Variants in GLIS3 observed in about 807,000 individuals in gnomAD.
GLIS3 encodes GLIS family zinc finger 3.
GLIS3 carries 53 observed loss-of-function variants against 78.6 expected under a neutral mutation model. The observed-to-expected ratio is 0.67, with a 90% CI of 0.54 to 0.85. The LOEUF (loss-of-function observed/expected upper bound fraction) is 0.85. Ranked by LOEUF, GLIS3 falls within the 40% of genes least tolerant of loss-of-function variation. The pLI is 0.00. For synonymous variants in GLIS3, 684 were observed against 509.9 expected (o/e 1.34, Z -4.60); for missense variants, 1,703 against 1,231.1 (o/e 1.38, Z -5.74).
intron 4 of GLIS3, among the ~76,000 whole-genome samples, chr9:4,054,886 C>T (rs912621296): frequency 1.3e-5 from 2 of 152,026 alleles, no homozygotes; most frequent in African/African-American, 4.8e-5. Flanking sequence ...TCAGAAGATT[C>T]CATTTGTTAA....
At chr9:4,352,670 A>G (rs898893042), upstream of GLIS3, among the ~76,000 whole-genome samples, 2 of 152,232 alleles carry the variant, frequency 1.3e-5, no homozygotes, top group African/African-American at 4.8e-5. Flanking sequence ...GATGATCAAG[A>G]CCATCGCAGG....
At chr9:4,173,921 C>T (rs1370919545) in intron 2 of GLIS3, among the ~76,000 whole-genome samples, 1 of 138,106 alleles carries the variant, frequency 7.2e-6, no homozygotes. Flanking sequence ...AAAACACACA[C>T]ACACACACAC....
intron 4 of GLIS3, among the ~76,000 whole-genome samples, chr9:4,002,273 C>T (rs1353862026): frequency 6.6e-6 from 1 of 152,162 alleles, no homozygotes; most frequent in Non-Finnish European, 1.5e-5. Flanking sequence ...ACAGATTCTT[C>T]CTTCAGAGCC....
chr9:4,477,932 C>T, the GLIS3 span, among the ~76,000 whole-genome samples: 4 of 152,160 alleles, frequency 2.6e-5, no homozygotes, highest in Non-Finnish European at 4.4e-5. Context: ...TATCATTTGT[C>T]TCTTGCTATG....
At chr9:3,891,590 T>G (rs1822453605) in intron 7 of GLIS3, among the ~76,000 whole-genome samples, 1 of 152,104 alleles carries the variant, frequency 6.6e-6, no homozygotes, top group Non-Finnish European at 1.5e-5. Flanking sequence ...AAGTCTCAGC[T>G]ACTCAGAAGG....
In GLIS3 at chr9:4,235,775, T is replaced by C. The variant is rs372031241; in HGVS notation, c.388+50263A>G. ...GATCATTATCATTTAACCACTTTGC[T>C]GTACTTAAACATCAATAATAACATG... On this transcript the variant is annotated intron_variant, in intron 2 of 10. Coordinates refer to ENST00000381971, the MANE Select transcript of GLIS3 (RefSeq NM_001042413.2). 2.0e-5 allele frequency among the ~76,000 whole-genome samples: 3 copies of C among 152,178 alleles called. No homozygotes were observed. In the South Asian group the frequency reaches 6.2e-4, roughly 32 times the overall value.
intron 3 of GLIS3, among the ~76,000 whole-genome samples, chr9:4,124,321 T>G (rs527652015): frequency 1.7e-4 from 26 of 152,222 alleles, no homozygotes; most frequent in African/African-American, 6.0e-4. Flanking sequence ...CAGAAAACAA[T>G]GAGATAATGA....
chr9:4,151,812 T>C (rs1289813099), intron 2 of GLIS3, among the ~76,000 whole-genome samples: 1 of 152,154 alleles, frequency 6.6e-6, no homozygotes, highest in East Asian at 1.9e-4. Context: ...CTGTTCCTAG[T>C]TAAACATACT....
chr9:3,987,761 C>CAAAAAAAAAA (rs60986898), intron 4 of GLIS3, among the ~76,000 whole-genome samples: 3 of 10,462 alleles, frequency 2.9e-4, no homozygotes, highest in African/African-American at 3.5e-4. Flanking sequence ...CTGGATTTGG[C>CAAAAAAAAAA]AAAAAAAAAA....
At chr9:3,997,551 A>G (rs1820835929) in intron 4 of GLIS3, among the ~76,000 whole-genome samples, 1 of 152,072 alleles carries the variant, frequency 6.6e-6, no homozygotes, top group African/African-American at 2.4e-5. Flanking sequence ...AAATTAACTC[A>G]TTCAATATAT....
At chr9:3,982,407 C>T (rs1819375363) in intron 4 of GLIS3, among the ~76,000 whole-genome samples, 1 of 152,188 alleles carries the variant, frequency 6.6e-6, no homozygotes, top group Admixed American at 6.6e-5. Flanking sequence ...AGGTTGTGCA[C>T]AGCTCATTAC....
intron 2 of GLIS3, among the ~76,000 whole-genome samples, chr9:4,213,302 C>T (rs2131305002): frequency 6.6e-6 from 1 of 152,298 alleles, no homozygotes; most frequent in Non-Finnish European, 1.5e-5. Flanking sequence ...ACAACCCAGC[C>T]ACACCCTAAT....
chr9:3,899,628 T>A (rs899086007), intron 6 of GLIS3, among the ~76,000 whole-genome samples: 1 of 152,180 alleles, frequency 6.6e-6, no homozygotes, highest in Non-Finnish European at 1.5e-5. Context: ...TTGTTACAAA[T>A]ATTGCAAATG....
the GLIS3 span, among the ~76,000 whole-genome samples, chr9:4,436,839 G>T: frequency 5.1e-4 from 69 of 134,924 alleles, no homozygotes; most frequent in Admixed American, 4.0e-3. Flanking sequence ...AAAAAAAAGA[G>T]ATAGAAGGCA....
chr9:4,060,136 A>G (rs866373346), intron 4 of GLIS3, among the ~76,000 whole-genome samples: 7 of 152,146 alleles, frequency 4.6e-5, no homozygotes, highest in Non-Finnish European at 1.0e-4. Flanking sequence ...AAGATGTCTC[A>G]GGCAAGCTCT....
At chr9:4,464,906 C>CA in the GLIS3 span, among the ~76,000 whole-genome samples, 25 of 152,230 alleles carry the variant, frequency 1.6e-4, no homozygotes, top group African/African-American at 6.0e-4. Flanking sequence ...AAGAAACCCC[C>CA]CAAAATGGTA....
At chr9:4,260,165 C>G (rs1226194248) in intron 2 of GLIS3, among the ~76,000 whole-genome samples, 1 of 152,182 alleles carries the variant, frequency 6.6e-6, no homozygotes, top group East Asian at 1.9e-4. Flanking sequence ...TGGGCCAGGC[C>G]CGATGGCCTG....
At chr9:4,258,227 C>G (rs1825165451) in intron 2 of GLIS3, among the ~76,000 whole-genome samples, 1 of 151,838 alleles carries the variant, frequency 6.6e-6, no homozygotes, top group Non-Finnish European at 1.5e-5. Flanking sequence ...GTACTAGAGA[C>G]AATATCAGAA....
the GLIS3 span, among the ~76,000 whole-genome samples, chr9:4,434,482 G>A: frequency 2.3e-4 from 35 of 152,244 alleles, no homozygotes; most frequent in African/African-American, 8.4e-4. Context: ...AAGCTTTGGG[G>A]AGAATGAGAA....
Sources: allele counts gnomAD v4.1 joint callset (sites outside exome capture counted in the v4.1 genomes callset), GRCh38; gene constraint gnomAD v4.1.1; transcripts MANE v1.5; gene names NCBI Gene and HGNC (gene_info 2026-07-23, HGNC 2026-07-21).